The following PTPRN2 variants were observed in gnomAD, a reference collection of about 807,000 sequenced individuals.
The protein encoded by PTPRN2 is receptor-type tyrosine-protein phosphatase N2.
In PTPRN2, 74 loss-of-function variants were observed where a neutral mutation model predicts 118.8. The ratio of observed to expected loss-of-function variants is 0.62; its 90% CI spans 0.52 to 0.76. The LOEUF is 0.76. PTPRN2 is among the 30% of genes least tolerant of loss of function. The pLI is 0.00. For synonymous variants in PTPRN2, 641 were observed against 608.0 expected (o/e 1.05, Z -0.80); for missense variants, 1,481 against 1,394.4 (o/e 1.06, Z -0.99).
chr7:158,476,776 G>A (rs1032144909), intron 2 of PTPRN2, among the ~76,000 whole-genome samples: 5 of 152,236 alleles, frequency 3.3e-5, no homozygotes, highest in East Asian at 1.9e-4. Flanking sequence ...ACGCGAGAAC[G>A]TCAATCTGGT....
intron 12 of PTPRN2, among the ~76,000 whole-genome samples, chr7:157,792,882 A>G (rs530930167): frequency 1.3e-5 from 2 of 152,290 alleles, no homozygotes; most frequent in East Asian, 3.9e-4. Flanking sequence ...CTGCGCTTCA[A>G]CTTCAAAGCA....
intron 11 of PTPRN2, among the ~76,000 whole-genome samples, chr7:158,005,758 C>A (rs1033585980): frequency 6.6e-6 from 1 of 152,100 alleles, no homozygotes; most frequent in African/African-American, 2.4e-5. Flanking sequence ...CAGGAAGGGC[C>A]CACCGTGGTT....
chr7:158,005,096 C>T (rs537100191), intron 11 of PTPRN2, among the ~76,000 whole-genome samples: 3 of 145,522 alleles, frequency 2.1e-5, no homozygotes, highest in East Asian at 2.1e-4. Context: ...TTTTTCGAGA[C>T]GGAGTCTTGC....
Position 157,966,611 on chromosome 7 carries a change from A to G in PTPRN2, c.1724-67874T>C, listed in dbSNP as rs1253215489. ...TACCATCACTACTATCACCATCACCATCATCATCTTTATGATCACCATTAT... is the reference window on the plus strand; with the variant it reads ...TACCATCACTACTATCACCATCACCGTCATCATCTTTATGATCACCATTAT... On this transcript the variant is annotated intron_variant, in intron 11 of 22. Coordinates refer to ENST00000389418, the MANE Select transcript of PTPRN2 (RefSeq NM_002847.5). Among the ~76,000 whole-genome samples the G allele has an allele frequency of 6.6e-5, 10 of 151,974 alleles. No homozygotes were observed. The East Asian group carries it at 1.9e-3, about 29-fold the overall frequency.
At chr7:157,797,260 C>T (rs938393560) in intron 12 of PTPRN2, among the ~76,000 whole-genome samples, 1 of 152,260 alleles carries the variant, frequency 6.6e-6, no homozygotes, top group African/African-American at 2.4e-5. Flanking sequence ...CAGGCAGCCC[C>T]AAAGGCTATC....
Position 157,779,190 on chromosome 7 carries a change from A to G in PTPRN2, c.1789-96253T>C, listed in dbSNP as rs1344899804. 6.6e-6 allele frequency among the ~76,000 whole-genome samples: 1 copy of G among 152,158 alleles called. No homozygotes were observed. The highest frequency in any genetic ancestry group is 2.4e-5 in the African/African-American group (1 of 41,436). On this transcript the variant is annotated intron_variant, in intron 12 of 22. Transcript: ENST00000389418. The surrounding 1 kb of genome is among the most constrained non-coding windows in gnomAD (Gnocchi z 4.7). ...AGTAGCGCTACATTGAGGATGCTGG[A>G]CACGGCTTATCTCCTGGAGGAGGGC...
intron 6 of PTPRN2, among the ~76,000 whole-genome samples, chr7:158,164,667 T>A (rs1398275109): frequency 6.6e-6 from 1 of 152,158 alleles, no homozygotes; most frequent in African/African-American, 2.4e-5. Flanking sequence ...TTTATTGCTT[T>A]CTGTTCCCAA....
intron 1 of PTPRN2, among the ~76,000 whole-genome samples, chr7:158,547,122 G>T (rs1826336467): frequency 6.6e-6 from 1 of 152,168 alleles, no homozygotes; most frequent in Non-Finnish European, 1.5e-5. Context: ...TATTGATTTT[G>T]GGGGCTTTGT....
At chr7:158,224,823 G>A (rs1314191206) in intron 3 of PTPRN2, among the ~76,000 whole-genome samples, 4 of 152,134 alleles carry the variant, frequency 2.6e-5, no homozygotes, top group Non-Finnish European at 5.9e-5. Flanking sequence ...GGCAAACCAC[G>A]TATCTGACAA....
intron 6 of PTPRN2, among the ~76,000 whole-genome samples, chr7:158,155,451 CCAT>C (rs1821620305): frequency 6.6e-6 from 1 of 151,908 alleles, no homozygotes; most frequent in Non-Finnish European, 1.5e-5. Context: ...ATCACCAACA[CCAT>C]CATCACCATC....
At chr7:158,227,041 A>G (rs1828840079) in intron 3 of PTPRN2, among the ~76,000 whole-genome samples, 1 of 152,084 alleles carries the variant, frequency 6.6e-6, no homozygotes, top group Non-Finnish European at 1.5e-5. Flanking sequence ...GCTCCAGGAG[A>G]GGACCCTGGG....
intron 11 of PTPRN2, among the ~76,000 whole-genome samples, chr7:157,993,557 G>A (rs1184851364): frequency 6.6e-6 from 1 of 152,150 alleles, no homozygotes; most frequent in East Asian, 1.9e-4. Context: ...TGGGGAGGTG[G>A]CGATCGGAAT....
chr7:158,261,745 T>C (rs1231655046), intron 3 of PTPRN2, among the ~76,000 whole-genome samples: 1 of 152,212 alleles, frequency 6.6e-6, no homozygotes, highest in Non-Finnish European at 1.5e-5. Flanking sequence ...GAAGACGCCA[T>C]GCAGAAGCCT....
At position 158,178,542 on chromosome 7, in the gene PTPRN2, G is replaced by C. The variant is rs1005113099; in HGVS notation, c.550-11251C>G. The stretch of plus-strand genomic sequence containing the variant: ...AAGAGACATTATTACATTCTTTTTC[G>C]TGGCTGAGTAGTATTCCATGGTGTA... On this transcript the variant is annotated intron_variant, in intron 5 of 22. Transcript: ENST00000389418. Among the ~76,000 whole-genome samples, 6 of 145,948 alleles carry C rather than the reference G, an allele frequency of 4.1e-5. No individual in the cohort carries two copies. The East Asian group carries it at 8.1e-4, about 20-fold the overall frequency.
chr7:158,193,306 G>C (rs10271837), intron 4 of PTPRN2, among the ~76,000 whole-genome samples: 35,021 of 152,192 alleles, frequency 0.23, 4,622 homozygotes, highest in African/African-American at 0.36. Context: ...GCAGCTGGAC[G>C]TGTCAGCCAC....
At chr7:158,095,202 T>A (rs1814535714) in intron 10 of PTPRN2, among the ~76,000 whole-genome samples, 1 of 151,286 alleles carries the variant, frequency 6.6e-6, no homozygotes, top group Admixed American at 6.6e-5. Flanking sequence ...GAGAGACACA[T>A]TCGGAAGAGT....
chr7:158,044,796 T>C (rs1341195936), intron 11 of PTPRN2, among the ~76,000 whole-genome samples: 2 of 152,164 alleles, frequency 1.3e-5, no homozygotes, highest in Non-Finnish European at 2.9e-5. Flanking sequence ...TCCTGCACCA[T>C]AGGCCGACAG....
intron 1 of PTPRN2, among the ~76,000 whole-genome samples, chr7:158,545,376 C>G (rs1036005748): frequency 6.6e-6 from 1 of 152,220 alleles, no homozygotes; most frequent in Non-Finnish European, 1.5e-5. Context: ...ATGCGTTCCT[C>G]AGCAGCTGCA....
At chr7:157,673,829 C>G (rs76086212) in intron 13 of PTPRN2, among the ~76,000 whole-genome samples, 2,711 of 152,306 alleles carry the variant, frequency 0.018, 83 homozygotes, top group African/African-American at 0.062. Flanking sequence ...CCGCCCCACC[C>G]GGCACCCAGG....
Sources: allele counts gnomAD v4.1 joint callset (sites outside exome capture counted in the v4.1 genomes callset), GRCh38; gene constraint gnomAD v4.1.1; non-coding constraint Gnocchi (gnomAD v3.1); transcripts MANE v1.5; gene names NCBI Gene and HGNC (gene_info 2026-07-23, HGNC 2026-07-21).